Variants in WDR38 observed in about 807,000 individuals in gnomAD.
WDR38 encodes the protein WD repeat domain 38.
WDR38 carries 37 observed loss-of-function variants against 36.6 expected under a neutral mutation model. That is an observed-to-expected ratio of 1.01 (90% CI 0.78 to 1.33). The LOEUF (loss-of-function observed/expected upper bound fraction) is 1.33. WDR38 is among the 40% of genes most tolerant of loss of function. The pLI is 0.00. For missense variants in WDR38, 411 were observed against 414.6 expected, an observed-to-expected ratio of 0.99 and a Z score of 0.07; for synonymous variants, 164 against 168.1, an observed-to-expected ratio of 0.98 and a Z score of 0.19.
intron 1 of WDR38, 66 bp downstream of exon 1, chr9:124,853,666 A>T (rs1379220065): frequency 8.6e-7 from 1 of 1,167,098 alleles, no homozygotes; most frequent in African/African-American, 1.6e-5. Context: ...GGTTCTGTGT[A>T]GTGGGGGTTC....
intron 7 of WDR38, 23 bp from the exon 8 acceptor site, chr9:124,857,341 G>A: frequency 6.7e-7 from 1 of 1,485,600 alleles, no homozygotes. Flanking sequence ...GAGGCTTCCT[G>A]ACATGCCCCC....
chr9:124,854,229 G>T lies in WDR38; in HGVS notation c.94G>T (p.Asp32Tyr), dbSNP rs772535275. 6.2e-7 allele frequency: 1 copy of T among 1,614,180 alleles called. No individual in the cohort carries two copies. Among genetic ancestry groups the T allele is most frequent in the Admixed American group, 1.7e-5 (1 of 60,034 alleles). Residue 32 changes from aspartate (D) to tyrosine (Y), a missense_variant, in exon 2 of 9, where the codon GAT becomes TAT. Transcript: ENST00000373574. ...GEVNSSAFSP[D>Y]GQMLLTGSED... is the part of the protein sequence containing the mutation. ...GGTCAACTCTTCTGCCTTCTCCCCTGATGGCCAGATGCTGCTCACAGGCTC... is the reference window on the plus strand; with the variant it reads ...GGTCAACTCTTCTGCCTTCTCCCCTTATGGCCAGATGCTGCTCACAGGCTC...
In WDR38 at chr9:124,856,146, C is replaced by A; in HGVS notation, c.406-94C>A. The A allele has an allele frequency of 3.8e-6, 6 of 1,581,914 alleles. No homozygotes were observed. The South Asian group carries it at 6.7e-5, about 18-fold the overall frequency. On this transcript the variant is annotated intron_variant, in intron 4 of 8. Coordinates refer to ENST00000373574, the MANE Select transcript of WDR38 (RefSeq NM_001045476.3). ...AGGCTTCCTTGCACACAGCAGCCCT[C>A]AGGCTTTTTGCACGAGGTCCCCCTT...
chr9:124,856,329 A>G lies in WDR38; in HGVS notation c.486+9A>G. 2.5e-6 allele frequency: 4 copies of G among 1,613,966 alleles called. No individual in the cohort carries two copies. Among genetic ancestry groups the G allele is most frequent in the Non-Finnish European group, 3.4e-6 (4 of 1,180,012 alleles). ...CCACGGTGAACTGCCTGGTGAGCCT[A>G]CCCTCTGCCCTGGGCCCCACCTCAG... On this transcript the variant is annotated intron_variant, in intron 5 of 8. Coordinates refer to ENST00000373574, the MANE Select transcript of WDR38 (RefSeq NM_001045476.3).
In WDR38 at chr9:124,857,878, A is replaced by C. The variant is rs200537452; in HGVS notation, c.*248A>C. The C allele has an allele frequency of 1.5e-5, 24 of 1,603,948 alleles. No individual in the cohort carries two copies. Among genetic ancestry groups the C allele is most frequent in the Non-Finnish European group, 2.0e-5 (23 of 1,173,678 alleles). Reference sequence around the variant, plus strand: ...AATCAGTGGAAGTGCCAGGAAACAAAGCAGTCTCAGCCAGCTGTGCTTTAT... The same window carrying C: ...AATCAGTGGAAGTGCCAGGAAACAACGCAGTCTCAGCCAGCTGTGCTTTAT... On this transcript the variant is annotated 3_prime_UTR_variant, in exon 9 of 9. Coordinates refer to ENST00000373574, the MANE Select transcript of WDR38 (RefSeq NM_001045476.3).
Position 124,856,761 on chromosome 9 carries a change from C to T in WDR38, c.648C>T (p.His216=), listed in dbSNP as rs758695191. 2 of 1,614,252 alleles carry T rather than the reference C, an allele frequency of 1.2e-6. No homozygotes were observed. The highest frequency in any genetic ancestry group is 1.7e-5 in the Admixed American group (1 of 60,034). The part of the protein sequence containing the change: ...LASGSWDKTI[H]IWKPTTSSLL... ...CCGGCTCCTGGGACAAGACCATCCACATCTGGAAGCCCACAACCAGCAGCC... is the reference window on the plus strand; with the variant it reads ...CCGGCTCCTGGGACAAGACCATCCATATCTGGAAGCCCACAACCAGCAGCC... The change falls in exon 7 of 9, where the codon CAC becomes CAT. Residue 216 remains histidine (H), a synonymous_variant. Coordinates refer to ENST00000373574, the MANE Select transcript of WDR38 (RefSeq NM_001045476.3).
intron 2 of WDR38, 35 bp from the exon 3 acceptor site, chr9:124,855,599 A>G (rs1588031126): frequency 1.9e-6 from 3 of 1,584,756 alleles, no homozygotes; most frequent in Non-Finnish European, 2.6e-6. Flanking sequence ...AGTGGCGGGC[A>G]GTGCTCTGTC....
intron 1 of WDR38, 32 bp from the exon 2 acceptor site, chr9:124,854,173 C>G (rs1421615919): frequency 6.2e-7 from 1 of 1,613,058 alleles, no homozygotes; most frequent in South Asian, 1.1e-5. Flanking sequence ...GGTTTCTTCC[C>G]CAGAATGGGA....
intron 4 of WDR38, 80 bp downstream of exon 4, chr9:124,856,038 G>A: frequency 6.3e-7 from 1 of 1,580,714 alleles, no homozygotes; most frequent in Non-Finnish European, 8.6e-7. Context: ...TGCCCTCCCA[G>A]CTCAAACCCT....
At position 124,854,294 on chromosome 9, in the gene WDR38, G is replaced by A. The variant is rs1285661716; in HGVS notation, c.159G>A (p.Gly53=). ...TGTATGGCTGGGAGACCCGGAGTGG[G>A]CAGCTGCTGTGGAGGCTGGGTGGCC... ...GCVYGWETRS[G]QLLWRLGGHT... is the part of the protein sequence containing the mutation. The change falls in exon 2 of 9, where the codon GGG becomes GGA. Residue 53 remains glycine (G), a synonymous_variant. Coordinates refer to ENST00000373574, the MANE Select transcript of WDR38 (RefSeq NM_001045476.3). The A allele has an allele frequency of 6.2e-7, 1 of 1,614,024 alleles. No individual in the cohort carries two copies. Among genetic ancestry groups the A allele is most frequent in the East Asian group, 2.2e-5 (1 of 44,872 alleles).
chr9:124,853,951 G>A (rs1212280839), intron 1 of WDR38, among the ~76,000 whole-genome samples: 1 of 152,144 alleles, frequency 6.6e-6, no homozygotes, highest in East Asian at 1.9e-4. Flanking sequence ...TGTCAGCTGC[G>A]GCTCTGGAAT....
rs763359688 is a variant in WDR38 at position 124,853,592 on chromosome 9, G to C, written c.61G>C (p.Gly21Arg). The C allele has an allele frequency of 7.9e-7, 1 of 1,270,730 alleles. No homozygotes were observed. The highest frequency in any genetic ancestry group is 3.8e-5 in the South Asian group (1 of 26,092). The allele number at this position is 1,270,730 out of a possible 1,614,324, so 78.7% of individuals were successfully genotyped here. A position where few individuals can be genotyped will look rare whatever the true frequency, so the allele number is the denominator to read the frequency against. The change falls in exon 1 of 9, where the codon GGC (glycine) becomes CGC (arginine). Residue 21 changes from glycine (G) to arginine (R), a missense_variant. Transcript: ENST00000373574. ...VRRVKFFGQH[G>R]GEVNSSAFSP... ...GAGAGTGAAATTCTTCGGCCAGCAC[G>C]GCGGGGAGGTGAGGTCCAGCGGGCT...
At chr9:124,854,403 G>A (rs928007101) in intron 2 of WDR38, 78 bp downstream of exon 2, 108 of 1,593,516 alleles carry the variant, frequency 6.8e-5, no homozygotes, top group Non-Finnish European at 8.2e-5. Context: ...AGTGACCTCC[G>A]ATGAGCTGGG....
Position 124,855,741 on chromosome 9 carries a change from G to C in WDR38, c.298G>C (p.Val100Leu). Reference protein sequence around the residue: ...WDVARAKCLRVLKGHQRSVET... With the variant: ...WDVARAKCLRLLKGHQRSVET... ...TGTGGCAAGAGCGAAGTGTCTGCGG[G>C]TCCTGAAGGGTGAGTGAGCTGGGAG... Residue 100 changes from valine to leucine, a missense_variant, in exon 3 of 9, where the codon GTC becomes CTC. Val to Leu is a conservative substitution (Grantham distance 32, BLOSUM62 1). Coordinates refer to ENST00000373574, the MANE Select transcript of WDR38 (RefSeq NM_001045476.3). 1 of 1,613,306 alleles carries C rather than the reference G, an allele frequency of 6.2e-7. No individual in the cohort carries two copies. The highest frequency in any genetic ancestry group is 8.5e-7 in the Non-Finnish European group (1 of 1,180,044).
intron 4 of WDR38, 34 bp from the exon 5 acceptor site, chr9:124,856,206 T>C: frequency 6.2e-7 from 1 of 1,613,570 alleles, no homozygotes; most frequent in African/African-American, 1.3e-5. Flanking sequence ...CCGGCTGCCC[T>C]CTGCTGCCTT....
At chr9:124,854,174 C>T (rs1410492137) in intron 1 of WDR38, 31 bp from the exon 2 acceptor site, 6 of 1,613,150 alleles carry the variant, frequency 3.7e-6, no homozygotes, top group Non-Finnish European at 4.2e-6. Flanking sequence ...GTTTCTTCCC[C>T]AGAATGGGAC....
chr9:124,855,730 A>G lies in WDR38; in HGVS notation c.287A>G (p.Lys96Arg). Residue 96 changes from lysine (K) to arginine (R), a missense_variant, in exon 3 of 9, where the codon AAG becomes AGG. By Grantham distance (26) the Lys-to-Arg change is conservative. Transcript: ENST00000373574. ...CGCCTGTGGGATGTGGCAAGAGCGAAGTGTCTGCGGGTCCTGAAGGGTGAG... is the reference window on the plus strand; with the variant it reads ...CGCCTGTGGGATGTGGCAAGAGCGAGGTGTCTGCGGGTCCTGAAGGGTGAG... Reference protein sequence around the residue: ...TVRLWDVARAKCLRVLKGHQR... With the variant: ...TVRLWDVARARCLRVLKGHQR... The G allele has an allele frequency of 6.2e-7, 1 of 1,613,438 alleles. No individual in the cohort carries two copies. The highest frequency in any genetic ancestry group is 1.3e-5 in the African/African-American group (1 of 75,054).
intron 2 of WDR38, among the ~76,000 whole-genome samples, chr9:124,854,889 G>C (rs1588030384): frequency 6.6e-6 from 1 of 152,196 alleles, no homozygotes; most frequent in African/African-American, 2.4e-5. Context: ...TAAGTGTACA[G>C]TTCAGAGAAT....
At chr9:124,856,674 G>A in intron 6 of WDR38, 58 bp from the exon 7 acceptor site, 1 of 1,613,136 alleles carries the variant, frequency 6.2e-7, no homozygotes, top group South Asian at 1.1e-5. Flanking sequence ...AGGCCACTTA[G>A]GGGCCCAGTG....
Sources: gnomAD v4.1 joint callset for allele counts (sites outside exome capture counted in the v4.1 genomes callset) on GRCh38, gnomAD v4.1.1 for gene constraint, MANE v1.5 for transcripts, NCBI Gene and HGNC (gene_info 2026-07-23, HGNC 2026-07-21) for gene names.